CFAP47: variants seen among roughly 807,000 people sequenced by gnomAD.
CFAP47 encodes cilia- and flagella-associated protein 47.
CFAP47 carries 29 observed loss-of-function variants against 148.1 expected under a neutral mutation model. That is an observed-to-expected ratio of 0.20 (90% CI 0.15 to 0.27). The LOEUF (loss-of-function observed/expected upper bound fraction) is 0.27, where lower values mean the gene tolerates loss of function less well. Ranked by LOEUF, CFAP47 falls within the 10% of genes least tolerant of loss-of-function variation. CFAP47 has a pLI of 1.00. For missense variants in CFAP47, 1,872 were observed against 1,697.5 expected, an observed-to-expected ratio of 1.10 and a Z score of -1.81; for synonymous variants, 664 against 577.3, an observed-to-expected ratio of 1.15 and a Z score of -2.15.
chrX:36,137,417 G>A (rs1939062668), intron 33 of CFAP47, among the ~76,000 whole-genome samples: 1 of 111,190 alleles, frequency 9.0e-6, no homozygotes, highest in Non-Finnish European at 1.9e-5. Flanking sequence ...AATCATGTCT[G>A]TAATTGAGAA....
At position 36,251,371 on chromosome X, in the gene CFAP47, A is replaced by T; in HGVS notation, c.7371A>T (p.Gln2457His). The part of the protein sequence containing the change: ...ADLPIVWGNP[Q>H]ITVYPYKEIL... ...TTCCAATAGTGTGGGGAAATCCACA[A>T]ATTACAGTATACCCTTATAAAGAAA... The change falls in exon 49 of 64, where the codon CAA becomes CAT. Residue 2457 changes from glutamine to histidine, a missense_variant. Physicochemically the swap from Gln to His is conservative, Grantham distance 24. Coordinates refer to ENST00000378653, the MANE Select transcript of CFAP47 (RefSeq NM_001304548.2). 3 of 508,304 alleles carry T rather than the reference A, an allele frequency of 5.9e-6. No homozygotes were observed. The highest frequency in any genetic ancestry group is 1.1e-5 in the Non-Finnish European group (3 of 283,366). 41.9% of individuals were successfully genotyped at this position (508,304 alleles called of 1,213,427 possible). A position where few individuals can be genotyped will look rare whatever the true frequency, so the allele number is the denominator to read the frequency against.
chrX:35,987,257 A>G (rs1569225569), intron 15 of CFAP47, among the ~76,000 whole-genome samples: 1 of 111,524 alleles, frequency 9.0e-6, no homozygotes, highest in South Asian at 3.8e-4. Context: ...AATTTTATCT[A>G]TAAGCCCCTG....
chrX:36,020,465 C>A (rs1937145074), intron 22 of CFAP47, among the ~76,000 whole-genome samples: 1 of 111,728 alleles, frequency 9.0e-6, no homozygotes, highest in Non-Finnish European at 1.9e-5. Flanking sequence ...GCATTCAGAT[C>A]TATTTGTTTC....
chrX:36,028,432 T>C (rs987413137), intron 22 of CFAP47, among the ~76,000 whole-genome samples: 3 of 111,416 alleles, frequency 2.7e-5, no homozygotes, highest in African/African-American at 9.8e-5. Flanking sequence ...ATAGAAATTG[T>C]GTTGAATCTC....
At chrX:36,076,182 T>C (rs1197036203) in intron 29 of CFAP47, among the ~76,000 whole-genome samples, 1 of 110,241 alleles carries the variant, frequency 9.1e-6, no homozygotes, top group Admixed American at 9.7e-5. Context: ...TTTTTTCTTT[T>C]TTTTTTTTTA....
At chrX:36,174,647 G>A (rs1328313980) in intron 39 of CFAP47, among the ~76,000 whole-genome samples, 87 of 99,282 alleles carry the variant, frequency 8.8e-4, no homozygotes, top group African/African-American at 1.9e-3. Context: ...CTTCTGGCTT[G>A]TAGAGTTTCT....
chrX:36,233,141 C>A (rs782300701), intron 46 of CFAP47, among the ~76,000 whole-genome samples: 3 of 111,411 alleles, frequency 2.7e-5, no homozygotes, highest in Middle Eastern at 4.6e-3. Flanking sequence ...CTGCTTGGTG[C>A]AGAGCTGAGT....
rs782090715 is a variant in CFAP47, at chrX:36,224,492, C to T, written c.6818-4136C>T. Reference sequence around the variant, plus strand: ...CACAGGTTTTGTATAGTCTCCCTTTCCTCGTTGACCTGGTTGTGGCCATGT... The same window carrying T: ...CACAGGTTTTGTATAGTCTCCCTTTTCTCGTTGACCTGGTTGTGGCCATGT... On this transcript the variant is annotated intron_variant, in intron 45 of 63. Coordinates refer to ENST00000378653, the MANE Select transcript of CFAP47 (RefSeq NM_001304548.2). 4.2e-4 allele frequency among the ~76,000 whole-genome samples: 47 copies of T among 111,826 alleles called. No individual in the cohort carries two copies. The South Asian group carries it at 7.4e-3, about 17-fold the overall frequency.
Position 36,099,853 on chromosome X carries a change from A to T in CFAP47, c.5101A>T (p.Thr1701Ser). 2.0e-6 allele frequency: 2 copies of T among 991,118 alleles called. No individual in the cohort carries two copies. Among genetic ancestry groups the T allele is most frequent in the Non-Finnish European group, 1.4e-6 (1 of 698,411 alleles). 81.7% of individuals were successfully genotyped at this position (991,118 alleles called of 1,213,427 possible). ...TGAAGCCTGGAGTAAACGGGCATGG[A>T]CAGATGTATTTCTACAGATATACAA... ...KFEAWSKRAW[T>S]DVFLQIYKVL... Residue 1701 changes from threonine to serine, a missense_variant, in exon 32 of 64, where the codon ACA becomes TCA. Thr to Ser is a moderately conservative substitution (Grantham distance 58). Transcript: ENST00000378653.
chrX:36,042,767 G>C (rs1370273295), intron 25 of CFAP47, among the ~76,000 whole-genome samples: 1 of 111,523 alleles, frequency 9.0e-6, no homozygotes, highest in Non-Finnish European at 1.9e-5. Context: ...TATTTCATGT[G>C]ACTTCAATAA....
intron 32 of CFAP47, among the ~76,000 whole-genome samples, chrX:36,101,422 G>A (rs1450358880): frequency 1.8e-5 from 2 of 111,874 alleles, no homozygotes; most frequent in Non-Finnish European, 1.9e-5. Flanking sequence ...AATATGGTGG[G>A]CAAGGACCAT....
chrX:36,123,941 A>G (rs145321601), intron 33 of CFAP47, among the ~76,000 whole-genome samples: 1,777 of 111,294 alleles, frequency 0.016, 31 homozygotes, highest in African/African-American at 0.055. Context: ...AAGTTCCTCA[A>G]CATTGTACCT....
At chrX:36,075,092 G>A (rs756280639) in intron 29 of CFAP47, among the ~76,000 whole-genome samples, 4 of 111,024 alleles carry the variant, frequency 3.6e-5, no homozygotes, top group African/African-American at 9.8e-5. Context: ...TGATTATATC[G>A]TTTCAATGTA....
At chrX:36,382,759 T>A (rs938705987) in intron 63 of CFAP47, among the ~76,000 whole-genome samples, 1 of 111,564 alleles carries the variant, frequency 9.0e-6, no homozygotes, top group Admixed American at 9.6e-5. Flanking sequence ...TTTATTTTTT[T>A]AAATTTCTTT....
chrX:35,954,408 G>C (rs1397108813), intron 7 of CFAP47, among the ~76,000 whole-genome samples: 1 of 111,070 alleles, frequency 9.0e-6, no homozygotes, highest in African/African-American at 3.3e-5. Context: ...TATGCAAATC[G>C]AGTGTGTCAG....
intron 32 of CFAP47, among the ~76,000 whole-genome samples, chrX:36,101,171 T>TA (rs1351908223): frequency 1.8e-5 from 2 of 112,260 alleles, no homozygotes; most frequent in African/African-American, 6.5e-5. Context: ...TTTGCACTGT[T>TA]AGTCATATAG....
chrX:36,353,198 G>A (rs1941757300), intron 59 of CFAP47, among the ~76,000 whole-genome samples: 1 of 110,079 alleles, frequency 9.1e-6, no homozygotes, highest in South Asian at 3.8e-4. Context: ...ATTTACAATT[G>A]CCCCTTGAGT....
chrX:36,076,533 C>G (rs995614650), intron 29 of CFAP47, among the ~76,000 whole-genome samples: 4 of 110,513 alleles, frequency 3.6e-5, no homozygotes, highest in African/African-American at 9.9e-5. Context: ...AGTTATATAT[C>G]TCCTTTTGAA....
intron 33 of CFAP47, among the ~76,000 whole-genome samples, chrX:36,125,549 A>T (rs2146817704): frequency 8.9e-6 from 1 of 112,051 alleles, no homozygotes; most frequent in African/African-American, 3.2e-5. Flanking sequence ...ATAATTTAGC[A>T]TTTTTTAATA....
Sources: allele counts gnomAD v4.1 joint callset (sites outside exome capture counted in the v4.1 genomes callset), GRCh38; gene constraint gnomAD v4.1.1; transcripts MANE v1.5; gene names NCBI Gene and HGNC (gene_info 2026-07-23, HGNC 2026-07-21).